The following IL20RB variants were observed in gnomAD, a reference collection of about 807,000 sequenced individuals.
The protein encoded by IL20RB is interleukin-20 receptor subunit beta.
A neutral mutation model predicts 33.3 loss-of-function variants in IL20RB; 21 were observed. The observed-to-expected ratio is 0.63, with a 90% confidence interval of 0.45 to 0.91. IL20RB has a LOEUF of 0.91. IL20RB is among the 40% of genes least tolerant of loss of function. IL20RB has a pLI of 0.00. For missense variants in IL20RB, 345 were observed against 384.8 expected, an observed-to-expected ratio of 0.90 and a Z score of 0.86; for synonymous variants, 147 against 146.8, an observed-to-expected ratio of 1.00 and a Z score of -0.01.
At chr3:136,980,724 G>T in intron 2 of IL20RB, 132 bp downstream of exon 2, 1 of 816,238 alleles carries the variant, frequency 1.2e-6, no homozygotes, top group South Asian at 1.7e-5. Context: ...TACCCCCTCT[G>T]TCTGCATAGG....
At chr3:136,998,434 CTCTT>C (rs1396726844) in intron 6 of IL20RB, among the ~76,000 whole-genome samples, 1 of 151,146 alleles carries the variant, frequency 6.6e-6, no homozygotes, top group Non-Finnish European at 1.5e-5. Flanking sequence ...ATTTCTGGAA[CTCTT>C]TCTTCTTTTC....
chr3:137,007,149 T>C (rs1942365210), intron 6 of IL20RB, among the ~76,000 whole-genome samples: 1 of 152,130 alleles, frequency 6.6e-6, no homozygotes, highest in African/African-American at 2.4e-5. Context: ...GCCTGATCTT[T>C]CCTCTGGAAG....
chr3:136,963,677 CTTTTT>C (rs1246638077), intron 1 of IL20RB, among the ~76,000 whole-genome samples: 1 of 77,844 alleles, frequency 1.3e-5, no homozygotes, highest in African/African-American at 5.0e-5. Flanking sequence ...GATACTAGTT[CTTTTT>C]TTTTTTTTTT....
At position 136,991,949 on chromosome 3, in the gene IL20RB, A is replaced by C. The variant is rs1472545440; in HGVS notation, c.543A>C (p.Lys181Asn). Residue 181 changes from lysine to asparagine, a missense_variant, in exon 5 of 7, where the codon AAA becomes AAC. Lys to Asn is a moderately conservative substitution (Grantham distance 94). Coordinates refer to ENST00000329582, the MANE Select transcript of IL20RB (RefSeq NM_144717.4). Reference protein sequence around the residue: ...RREPGAEEHVKMVRSGGIPVH... With the variant: ...RREPGAEEHVNMVRSGGIPVH... ...CTGGTCTGTCAAAGGAACATGTCAA[A>C]ATGGTGAGGAGTGGGGGTATTCCAG... The C allele has an allele frequency of 3.1e-6, 5 of 1,614,030 alleles. No individual in the cohort carries two copies. Among genetic ancestry groups the C allele is most frequent in the African/African-American group, 1.3e-5 (1 of 75,044 alleles).
intron 6 of IL20RB, among the ~76,000 whole-genome samples, chr3:136,997,596 T>G (rs1942156471): frequency 6.6e-6 from 1 of 151,120 alleles, no homozygotes; most frequent in Admixed American, 6.6e-5. Context: ...TTTTGCTCAC[T>G]GTTTGTATGG....
chr3:136,960,202 C>T (rs1941180805), intron 1 of IL20RB, among the ~76,000 whole-genome samples: 1 of 120,576 alleles, frequency 8.3e-6, no homozygotes, highest in Non-Finnish European at 1.6e-5. Context: ...GGCTGGAGTG[C>T]AGTGGCGCAA....
chr3:136,981,159 G>A (rs1021819498), intron 2 of IL20RB, among the ~76,000 whole-genome samples: 1 of 152,068 alleles, frequency 6.6e-6, no homozygotes, highest in Non-Finnish European at 1.5e-5. Context: ...AGTTGACAAG[G>A]TTTCTGGATT....
chr3:136,989,910 A>C (rs1424200387), intron 4 of IL20RB, among the ~76,000 whole-genome samples: 2 of 152,144 alleles, frequency 1.3e-5, no homozygotes, highest in African/African-American at 4.8e-5. Context: ...TAGGGGCAGC[A>C]ATCAGGATTT....
At chr3:136,970,566 T>A (rs1464371610) in intron 1 of IL20RB, among the ~76,000 whole-genome samples, 1 of 152,210 alleles carries the variant, frequency 6.6e-6, no homozygotes, top group Admixed American at 6.5e-5. Flanking sequence ...ATTGGGTAGA[T>A]TGATTCCTCT....
At chr3:136,963,089 T>C (rs1216701328) in intron 1 of IL20RB, among the ~76,000 whole-genome samples, 1 of 152,210 alleles carries the variant, frequency 6.6e-6, no homozygotes, top group African/African-American at 2.4e-5. Flanking sequence ...AGTTAATCTG[T>C]TCATCATATC....
At chr3:136,995,726 G>A (rs1942114667) in intron 6 of IL20RB, among the ~76,000 whole-genome samples, 170 bp downstream of exon 6, 1 of 152,172 alleles carries the variant, frequency 6.6e-6, no homozygotes, top group African/African-American at 2.4e-5. Context: ...TAGAGGTACT[G>A]GAAGAAATCT....
chr3:136,973,385 G>A (rs185828866), intron 1 of IL20RB, among the ~76,000 whole-genome samples: 68 of 151,932 alleles, frequency 4.5e-4, no homozygotes, highest in African/African-American at 1.6e-3. Flanking sequence ...CAGCTACTCA[G>A]GAGGCCGAGG....
intron 1 of IL20RB, among the ~76,000 whole-genome samples, chr3:136,973,173 T>C (rs1941530573): frequency 6.6e-6 from 1 of 152,080 alleles, no homozygotes; most frequent in Non-Finnish European, 1.5e-5. Flanking sequence ...AGATGCTTGA[T>C]AGGATTTTGA....
chr3:136,999,804 A>G (rs1358302474), intron 6 of IL20RB, among the ~76,000 whole-genome samples: 1 of 152,098 alleles, frequency 6.6e-6, no homozygotes, highest in Non-Finnish European at 1.5e-5. Flanking sequence ...AATTTCAGAT[A>G]TTGTGTTTTT....
chr3:137,007,993 T>C (rs1366820598), intron 6 of IL20RB, among the ~76,000 whole-genome samples: 1 of 152,202 alleles, frequency 6.6e-6, no homozygotes, highest in African/African-American at 2.4e-5. Flanking sequence ...CTGCCCAGTA[T>C]ATAGTCTCTG....
intron 6 of IL20RB, among the ~76,000 whole-genome samples, chr3:137,002,254 T>C (rs746715831): frequency 3.9e-5 from 6 of 152,198 alleles, no homozygotes; most frequent in Non-Finnish European, 1.5e-5. Context: ...TGTGTCTTTA[T>C]AGTAGCATGA....
intron 1 of IL20RB, among the ~76,000 whole-genome samples, chr3:136,960,393 G>A (rs987028108): frequency 3.9e-5 from 6 of 151,950 alleles, no homozygotes; most frequent in East Asian, 1.9e-4. Context: ...TGATTTGCCC[G>A]CCTCGGCCTC....
rs940467522 is a variant in IL20RB, at chr3:136,995,677, GA to G, written c.825+122del. 7.0e-6 allele frequency: 6 copies of G among 856,532 alleles called. No individual in the cohort carries two copies. In the East Asian group the frequency reaches 7.6e-5, roughly 11 times the overall value. The allele number at this position is 856,532 out of a possible 1,614,324, so 53.1% of individuals were successfully genotyped here. On this transcript the variant is annotated intron_variant, in intron 6 of 6. Transcript: ENST00000329582. ...ATGAGATTATAGGCATCTGCACAGA[GA>G]GGGGAGAGGAATACTTATAAAATAC...
At chr3:136,963,185 T>C (rs1230171711) in intron 1 of IL20RB, among the ~76,000 whole-genome samples, 1 of 152,226 alleles carries the variant, frequency 6.6e-6, no homozygotes, top group Non-Finnish European at 1.5e-5. Context: ...GGTATGAATG[T>C]ACTACAGTTT....
Sources: allele counts gnomAD v4.1 joint callset (sites outside exome capture counted in the v4.1 genomes callset), GRCh38; gene constraint gnomAD v4.1.1; transcripts MANE v1.5; gene names NCBI Gene and HGNC (gene_info 2026-07-23, HGNC 2026-07-21).